Variants in DPP6 observed in about 807,000 individuals in gnomAD.
DPP6 encodes dipeptidyl peptidase like 6.
In DPP6, 69 loss-of-function variants were observed where a neutral mutation model predicts 122.6. The ratio of observed to expected loss-of-function variants is 0.56; its 90% CI spans 0.46 to 0.69. The LOEUF is 0.69. DPP6 is among the 30% of genes least tolerant of loss of function. DPP6 has a pLI of 0.00. For synonymous variants in DPP6, 418 were observed against 433.1 expected (o/e 0.97, Z 0.43); for missense variants, 928 against 1,116.9 (o/e 0.83, Z 2.41).
chr7:154,360,140 T>C (rs969563491), intron 1 of DPP6, among the ~76,000 whole-genome samples: 10 of 152,218 alleles, frequency 6.6e-5, no homozygotes, highest in African/African-American at 2.4e-4. Flanking sequence ...GAATCTGTTT[T>C]CAAGCTGCCA....
At chr7:154,501,745 A>G (rs1825268692) in intron 3 of DPP6, among the ~76,000 whole-genome samples, 5 of 152,090 alleles carry the variant, frequency 3.3e-5, no homozygotes, top group Admixed American at 2.6e-4. Flanking sequence ...TGGAAGGAAA[A>G]TGTGGGGTTG....
At chr7:154,302,895 G>GT (rs1459745805) in intron 1 of DPP6, among the ~76,000 whole-genome samples, 1 of 152,156 alleles carries the variant, frequency 6.6e-6, no homozygotes, top group Non-Finnish European at 1.5e-5. Context: ...CAAGCCCATG[G>GT]TCTCAGTGGG....
chr7:153,841,684 A>T, the DPP6 span, among the ~76,000 whole-genome samples: 10 of 152,342 alleles, frequency 6.6e-5, no homozygotes, highest in Non-Finnish European at 1.3e-4. Context: ...TCTTAAAGCA[A>T]CTAGAGTCAG....
chr7:154,530,768 C>A (rs949975323), intron 3 of DPP6, among the ~76,000 whole-genome samples: 1 of 151,986 alleles, frequency 6.6e-6, no homozygotes, highest in African/African-American at 2.4e-5. Flanking sequence ...TAGACTGGAT[C>A]AAGAAAATAT....
chr7:154,216,833 GTT>G (rs59460372), intron 1 of DPP6, among the ~76,000 whole-genome samples: 83,093 of 125,776 alleles, frequency 0.66, 28,445 homozygotes, highest in Middle Eastern at 0.81. Context: ...TGTTACTGTT[GTT>G]TTTTTTTTTT....
At chr7:154,576,102 A>T (rs1831651811) in intron 5 of DPP6, among the ~76,000 whole-genome samples, 1 of 151,932 alleles carries the variant, frequency 6.6e-6, no homozygotes, top group Admixed American at 6.6e-5. Context: ...GAGCACAGAA[A>T]ACACCTCCCC....
chr7:153,884,226 G>T (rs1418036447), upstream of DPP6, among the ~76,000 whole-genome samples: 1 of 152,048 alleles, frequency 6.6e-6, no homozygotes, highest in Non-Finnish European at 1.5e-5. Flanking sequence ...TGTTCTCATT[G>T]TTCAGTTCCC....
chr7:154,311,090 G>A (rs977797983), intron 1 of DPP6, among the ~76,000 whole-genome samples: 1 of 152,116 alleles, frequency 6.6e-6, no homozygotes, highest in Non-Finnish European at 1.5e-5. Flanking sequence ...GACAGGTAGG[G>A]GGTGTATCAT....
At chr7:154,112,294 C>A (rs1273756602) in intron 1 of DPP6, among the ~76,000 whole-genome samples, 1 of 151,864 alleles carries the variant, frequency 6.6e-6, no homozygotes, top group African/African-American at 2.4e-5. Flanking sequence ...ACATTATCAA[C>A]AGTGGAGGAA....
intron 5 of DPP6, chr7:154,587,729 G>C: frequency 6.4e-7 from 1 of 1,561,592 alleles, no homozygotes; most frequent in Non-Finnish European, 8.7e-7. Flanking sequence ...CAAGCCTGTA[G>C]CCCAGCTTGT....
chr7:153,802,117 A>G, the DPP6 span, among the ~76,000 whole-genome samples: 2 of 152,212 alleles, frequency 1.3e-5, no homozygotes, highest in South Asian at 4.1e-4. Flanking sequence ...TTCGGTCAGG[A>G]GCAGGCACAC....
At position 154,009,107 on chromosome 7, in the gene DPP6, C is replaced by CT. The variant is rs1195698699; in HGVS notation, c.51+121382dup. On this transcript the variant is annotated intron_variant, in intron 1 of 25. Transcript: ENST00000404039. ...TGCTCCACTATAAGTTGATGAGGAC[C>CT]TTTTTTTTTGGAAGCTGATGGCCTG... 5.5e-3 allele frequency among the ~76,000 whole-genome samples: 484 copies of CT among 87,226 alleles called. 6 individuals are homozygous for CT. The highest frequency in any genetic ancestry group is 0.038 in the South Asian group (78 of 2,054). The allele number at this position is 87,226 out of a possible 152,430, so 57.2% of individuals were successfully genotyped here.
intron 1 of DPP6, chr7:154,095,337 G>A (rs915906386): frequency 4.2e-5 from 6 of 143,156 alleles, no homozygotes; most frequent in African/African-American, 1.5e-4. Flanking sequence ...GAAATTTGGG[G>A]ATCTATCACC....
chr7:154,744,299 G>A (rs1050953015), intron 8 of DPP6, among the ~76,000 whole-genome samples: 1 of 152,204 alleles, frequency 6.6e-6, no homozygotes, highest in Non-Finnish European at 1.5e-5. Context: ...GAAGCCACAC[G>A]TCAGCAGCCA....
At chr7:154,459,176 A>G (rs1821054304) in intron 2 of DPP6, among the ~76,000 whole-genome samples, 1 of 152,248 alleles carries the variant, frequency 6.6e-6, no homozygotes, top group South Asian at 2.1e-4. Context: ...GATTAAAAAT[A>G]TACATTGTAT....
intron 8 of DPP6, among the ~76,000 whole-genome samples, chr7:154,750,566 C>G (rs563300120): frequency 3.5e-4 from 53 of 152,316 alleles, no homozygotes; most frequent in Admixed American, 3.1e-3. Flanking sequence ...AGTGGGAGGG[C>G]GTCCCGCACC....
rs530306575 is a variant in DPP6, at chr7:154,405,650, A to T, written c.244-40564A>T. On this transcript the variant is annotated intron_variant, in intron 1 of 25. Transcript: ENST00000377770. ...TGGCTGAACAGGGCCAGGCAGTGTG[A>T]GGGGACTGGAGCTGGGCACTCTGCT... 3.9e-5 allele frequency among the ~76,000 whole-genome samples: 6 copies of T among 152,134 alleles called. No homozygotes were observed. In the East Asian group the frequency reaches 1.2e-3, roughly 30 times the overall value.
At chr7:154,322,696 G>T (rs1276482889) in intron 1 of DPP6, among the ~76,000 whole-genome samples, 3 of 152,152 alleles carry the variant, frequency 2.0e-5, no homozygotes, top group African/African-American at 7.2e-5. Context: ...TTAATTCCAG[G>T]TGTACTCGGG....
chr7:153,910,774 G>T (rs547497296), intron 1 of DPP6, among the ~76,000 whole-genome samples: 1 of 152,152 alleles, frequency 6.6e-6, no homozygotes, highest in Non-Finnish European at 1.5e-5. Flanking sequence ...TCTGAAGCTT[G>T]CAGCGACCTT....
Sources: allele counts gnomAD v4.1 joint callset (sites outside exome capture counted in the v4.1 genomes callset), GRCh38; gene constraint gnomAD v4.1.1; transcripts MANE v1.5; gene names NCBI Gene and HGNC (gene_info 2026-07-23, HGNC 2026-07-21).